DGKB: variants seen among roughly 807,000 people sequenced by gnomAD.
DGKB encodes the protein diacylglycerol kinase beta.
In DGKB, 67 loss-of-function variants were observed where a neutral mutation model predicts 114.3. The ratio of observed to expected loss-of-function variants is 0.59; its 90% CI spans 0.48 to 0.72. DGKB has a LOEUF of 0.72. DGKB is among the 30% of genes least tolerant of loss of function. The probability of loss-of-function intolerance (pLI) is 0.00; values close to 1 mark genes in which losing one functional copy is unlikely to be tolerated. For missense variants in DGKB, 907 were observed against 975.2 expected, an observed-to-expected ratio of 0.93 and a Z score of 0.93; for synonymous variants, 398 against 323.1, an observed-to-expected ratio of 1.23 and a Z score of -2.49.
intron 20 of DGKB, among the ~76,000 whole-genome samples, chr7:14,504,330 A>G (rs1363320244): frequency 6.6e-6 from 1 of 152,174 alleles, no homozygotes; most frequent in African/African-American, 2.4e-5. Flanking sequence ...CGCCTTTCTA[A>G]TGGTAATGAA....
chr7:14,687,223 T>C (rs1585654869), intron 9 of DGKB, among the ~76,000 whole-genome samples: 1 of 152,132 alleles, frequency 6.6e-6, no homozygotes, highest in Non-Finnish European at 1.5e-5. Flanking sequence ...GAGTCTCATG[T>C]CCTCTGGCAG....
chr7:14,240,389 A>T (rs1374807861), intron 23 of DGKB, among the ~76,000 whole-genome samples: 1 of 152,082 alleles, frequency 6.6e-6, no homozygotes, highest in Non-Finnish European at 1.5e-5. Context: ...ATAATTGCAT[A>T]ATTATTTTTA....
chr7:14,333,779 C>G (rs1810167272), intron 23 of DGKB, among the ~76,000 whole-genome samples: 1 of 152,124 alleles, frequency 6.6e-6, no homozygotes, highest in Non-Finnish European at 1.5e-5. Context: ...AAATACCTTT[C>G]AAAAGTGTCT....
intron 21 of DGKB, among the ~76,000 whole-genome samples, chr7:14,368,594 T>C (rs1310105143): frequency 1.3e-5 from 2 of 151,640 alleles, no homozygotes; most frequent in African/African-American, 4.9e-5. Context: ...TGTGTGTGTG[T>C]GTGTATGAAA....
chr7:14,201,590 G>C (rs548475864), intron 23 of DGKB, among the ~76,000 whole-genome samples: 1 of 152,014 alleles, frequency 6.6e-6, no homozygotes, highest in East Asian at 2.0e-4. Context: ...TGGTAGACAA[G>C]CTGATGATGA....
intron 16 of DGKB, among the ~76,000 whole-genome samples, chr7:14,611,925 C>A (rs957345558): frequency 2.6e-5 from 4 of 151,176 alleles, no homozygotes; most frequent in African/African-American, 4.9e-5. Context: ...GGAAAGTTTT[C>A]TTTTTTTGTT....
chr7:14,683,898 T>C (rs1821249033), intron 10 of DGKB, among the ~76,000 whole-genome samples: 1 of 152,164 alleles, frequency 6.6e-6, no homozygotes, highest in South Asian at 2.1e-4. Context: ...TAAAAACTTA[T>C]GAGCAAAATT....
intron 2 of DGKB, among the ~76,000 whole-genome samples, chr7:14,839,084 A>G (rs1424031908): frequency 6.6e-6 from 1 of 152,150 alleles, no homozygotes; most frequent in Admixed American, 6.6e-5. Flanking sequence ...CTTGTATCAC[A>G]TACAATATTC....
chr7:14,521,236 G>A (rs1789715969), intron 20 of DGKB, among the ~76,000 whole-genome samples: 1 of 152,110 alleles, frequency 6.6e-6, no homozygotes, highest in Non-Finnish European at 1.5e-5. Flanking sequence ...ACAGAATAGA[G>A]AGCCCAGAAG....
intron 14 of DGKB, among the ~76,000 whole-genome samples, chr7:14,629,631 G>A (rs1054207715): frequency 2.0e-5 from 3 of 152,016 alleles, no homozygotes; most frequent in African/African-American, 2.4e-5. Context: ...TGGAGGCTTT[G>A]CATCATCAAT....
At chr7:14,537,943 G>C (rs1792789319) in intron 20 of DGKB, among the ~76,000 whole-genome samples, 1 of 152,056 alleles carries the variant, frequency 6.6e-6, no homozygotes, top group African/African-American at 2.4e-5. Context: ...AGCCAGGCGT[G>C]GCGGCGCATG....
chr7:14,631,263 C>CAAAAAAAAAA (rs35088925), intron 13 of DGKB, among the ~76,000 whole-genome samples: 130 of 98,238 alleles, frequency 1.3e-3, no homozygotes, highest in African/African-American at 1.6e-3. Context: ...CAGCAAGAAC[C>CAAAAAAAAAA]AAAAAAAAAA....
intron 20 of DGKB, among the ~76,000 whole-genome samples, chr7:14,517,095 T>C (rs1788930920): frequency 6.6e-6 from 1 of 152,046 alleles, no homozygotes; most frequent in African/African-American, 2.4e-5. Flanking sequence ...ATGGTACTGC[T>C]ACAAAAACGA....
At chr7:14,206,966 A>T (rs1027913735) in intron 23 of DGKB, among the ~76,000 whole-genome samples, 1 of 151,624 alleles carries the variant, frequency 6.6e-6, no homozygotes, top group East Asian at 1.9e-4. Flanking sequence ...AAACCTAAGT[A>T]TTAGGGTAAA....
chr7:14,198,215 G>C (rs1276608593), intron 23 of DGKB, among the ~76,000 whole-genome samples: 1 of 152,040 alleles, frequency 6.6e-6, no homozygotes, highest in African/African-American at 2.4e-5. Flanking sequence ...ATTGAAAATA[G>C]TAAGAAAAAA....
chr7:14,924,084 T>C (rs931938233), intron 1 of DGKB, among the ~76,000 whole-genome samples: 3 of 151,722 alleles, frequency 2.0e-5, no homozygotes, highest in Non-Finnish European at 4.4e-5. Context: ...ACTAACTACC[T>C]GTAACTGAGC....
At chr7:14,281,336 T>C (rs1380456099) in intron 23 of DGKB, among the ~76,000 whole-genome samples, 1 of 142,544 alleles carries the variant, frequency 7.0e-6, no homozygotes, top group Non-Finnish European at 1.5e-5. Flanking sequence ...ATGCACCCAA[T>C]ACAGGAGCAC....
chr7:14,839,860 T>C (rs913456989), intron 2 of DGKB, among the ~76,000 whole-genome samples: 14 of 151,064 alleles, frequency 9.3e-5, no homozygotes, highest in African/African-American at 3.4e-4. Flanking sequence ...TATGAAATTA[T>C]AGATTTGGAA....
At chr7:14,698,244 G>A (rs747262085) in intron 7 of DGKB, 75 bp from the exon 8 acceptor site, 16 of 936,678 alleles carry the variant, frequency 1.7e-5, no homozygotes, top group Non-Finnish European at 2.4e-5. Flanking sequence ...TGCAGAAATT[G>A]TTTTGTTCAA....
Sources: allele counts gnomAD v4.1 joint callset (sites outside exome capture counted in the v4.1 genomes callset), GRCh38; gene constraint gnomAD v4.1.1; transcripts MANE v1.5; gene names NCBI Gene and HGNC (gene_info 2026-07-23, HGNC 2026-07-21).